The following GRIK2 variants were observed in gnomAD, a reference collection of about 807,000 sequenced individuals.
GRIK2 encodes the protein glutamate receptor ionotropic, kainate 2.
Under a neutral mutation model 100.3 loss-of-function variants are expected in GRIK2, and 32 were observed. The observed-to-expected ratio is 0.32, with a 90% CI of 0.24 to 0.43. The LOEUF (loss-of-function observed/expected upper bound fraction) is 0.43. Among genes scored for constraint, GRIK2 ranks in the 20% least tolerant of loss-of-function variants. The pLI is 1.00. For synonymous variants in GRIK2, 417 were observed against 389.4 expected (o/e 1.07, Z -0.83); for missense variants, 843 against 1,114.9 (o/e 0.76, Z 3.47).
chr6:101,784,704 T>C (rs137972677), intron 7 of GRIK2, among the ~76,000 whole-genome samples: 1 of 152,274 alleles, frequency 6.6e-6, no homozygotes, highest in African/African-American at 2.4e-5. Flanking sequence ...CTGATGGTTT[T>C]ATAAGTGGCA....
intron 14 of GRIK2, among the ~76,000 whole-genome samples, chr6:101,962,974 G>T (rs1162574523): frequency 6.7e-6 from 1 of 149,906 alleles, no homozygotes; most frequent in African/African-American, 2.4e-5. Flanking sequence ...AAAACAGGCA[G>T]TTGAATTTTT....
chr6:101,587,850 C>A (rs191168112), intron 2 of GRIK2, among the ~76,000 whole-genome samples: 2 of 152,140 alleles, frequency 1.3e-5, no homozygotes, highest in South Asian at 2.1e-4. Flanking sequence ...TATGCACAGA[C>A]ACTCTCTGAA....
intron 12 of GRIK2, among the ~76,000 whole-genome samples, chr6:101,907,539 C>T (rs1162398553): frequency 6.6e-6 from 1 of 151,586 alleles, no homozygotes; most frequent in African/African-American, 2.4e-5. Context: ...CACCACAGTA[C>T]GAAAGCAACA....
At chr6:101,546,819 CTTTTTTTTTT>C (rs1169622526) in intron 2 of GRIK2, among the ~76,000 whole-genome samples, 1 of 76,886 alleles carries the variant, frequency 1.3e-5, no homozygotes, top group Non-Finnish European at 2.7e-5. Flanking sequence ...GTTTTTGTTT[CTTTTTTTTTT>C]TTTTTTTTTT....
At chr6:101,791,747 A>G (rs1014231039) in intron 7 of GRIK2, among the ~76,000 whole-genome samples, 3 of 151,950 alleles carry the variant, frequency 2.0e-5, no homozygotes, top group East Asian at 1.9e-4. Context: ...GCTGAGTTCA[A>G]TTCCTGGGTA....
At chr6:101,522,172 A>C (rs1179930757) in intron 2 of GRIK2, among the ~76,000 whole-genome samples, 1 of 152,132 alleles carries the variant, frequency 6.6e-6, no homozygotes, top group Non-Finnish European at 1.5e-5. Context: ...AATTTAAATC[A>C]TGAAGTTAAA....
intron 2 of GRIK2, among the ~76,000 whole-genome samples, chr6:101,531,384 T>A (rs1487040279): frequency 6.6e-6 from 1 of 152,004 alleles, no homozygotes; most frequent in Non-Finnish European, 1.5e-5. Context: ...TAACTGGTAC[T>A]GATTATAGGC....
intron 2 of GRIK2, among the ~76,000 whole-genome samples, chr6:101,437,479 T>G (rs1056715981): frequency 7.2e-5 from 11 of 152,138 alleles, no homozygotes; most frequent in Non-Finnish European, 5.9e-5. Context: ...TATTCTTTGT[T>G]GCTGTAGACT....
At chr6:101,996,563 C>G (rs1370021303) in intron 14 of GRIK2, among the ~76,000 whole-genome samples, 2 of 151,952 alleles carry the variant, frequency 1.3e-5, no homozygotes, top group African/African-American at 4.8e-5. Flanking sequence ...AGCACTTAAA[C>G]AAAATGGACA....
chr6:101,503,375 GA>G (rs1386912403), intron 2 of GRIK2, among the ~76,000 whole-genome samples: 21 of 152,022 alleles, frequency 1.4e-4, no homozygotes, highest in Admixed American at 1.2e-3. Flanking sequence ...AAGAAGGGGG[GA>G]AAGAGGCACT....
chr6:101,869,237 T>C (rs549572382), intron 11 of GRIK2, among the ~76,000 whole-genome samples: 3 of 152,078 alleles, frequency 2.0e-5, no homozygotes, highest in South Asian at 2.1e-4. Flanking sequence ...TGAACTGATA[T>C]GATTCAGACA....
At chr6:101,609,092 G>A (rs1389413838) in intron 2 of GRIK2, among the ~76,000 whole-genome samples, 1 of 151,600 alleles carries the variant, frequency 6.6e-6, no homozygotes. Context: ...TAGTTTGCAT[G>A]CAAACTCATA....
chr6:101,418,641 A>G (rs899328494), intron 2 of GRIK2, among the ~76,000 whole-genome samples: 1 of 152,104 alleles, frequency 6.6e-6, no homozygotes, highest in East Asian at 1.9e-4. Flanking sequence ...GGTGATAGTT[A>G]GGCAGGGAAG....
chr6:101,907,587 G>C (rs1788318322), intron 12 of GRIK2, among the ~76,000 whole-genome samples: 1 of 151,688 alleles, frequency 6.6e-6, no homozygotes, highest in East Asian at 1.9e-4. Flanking sequence ...TTTCACAACT[G>C]TAAGTAAAGT....
chr6:102,024,136 G>C (rs1232302468), intron 14 of GRIK2, among the ~76,000 whole-genome samples: 1 of 150,792 alleles, frequency 6.6e-6, no homozygotes, highest in Non-Finnish European at 1.5e-5. Context: ...AAAAGTGTTG[G>C]TAATGATTTT....
intron 7 of GRIK2, among the ~76,000 whole-genome samples, chr6:101,727,384 T>A (rs2128368907): frequency 6.6e-6 from 1 of 152,202 alleles, no homozygotes; most frequent in Middle Eastern, 3.4e-3. Flanking sequence ...GGATGCTTGA[T>A]ACTGGAGTGT....
intron 2 of GRIK2, among the ~76,000 whole-genome samples, chr6:101,428,457 A>C (rs1769179773): frequency 6.6e-6 from 1 of 152,230 alleles, no homozygotes; most frequent in Non-Finnish European, 1.5e-5. Flanking sequence ...TGGTCATTTA[A>C]CATTTGTGAT....
chr6:101,603,973 G>T (rs994676312), intron 2 of GRIK2, among the ~76,000 whole-genome samples: 2 of 150,460 alleles, frequency 1.3e-5, no homozygotes, highest in African/African-American at 4.9e-5. Context: ...GTGGTGAGGG[G>T]GTACTGTGCC....
chr6:101,621,613 C>A (rs1387526508), intron 2 of GRIK2, among the ~76,000 whole-genome samples: 1 of 151,914 alleles, frequency 6.6e-6, no homozygotes, highest in African/African-American at 2.4e-5. Flanking sequence ...GTACTTAAGT[C>A]AAGACCTCTC....
Sources: allele counts gnomAD v4.1 joint callset (sites outside exome capture counted in the v4.1 genomes callset), GRCh38; gene constraint gnomAD v4.1.1; transcripts MANE v1.5; gene names NCBI Gene and HGNC (gene_info 2026-07-23, HGNC 2026-07-21).